ROR2: variants seen among roughly 807,000 people sequenced by gnomAD.
ROR2 encodes the protein tyrosine-protein kinase transmembrane receptor ROR2.
Under a neutral mutation model 74.9 loss-of-function variants are expected in ROR2, and 33 were observed. The ratio of observed to expected loss-of-function variants is 0.44; its 90% CI spans 0.33 to 0.59. The LOEUF is 0.59. ROR2 is among the 20% of genes least tolerant of loss of function. The pLI is 0.02. For synonymous variants in ROR2, 586 were observed against 558.7 expected, an observed-to-expected ratio of 1.05 and a Z score of -0.69; for missense variants, 1,216 against 1,313.8, an observed-to-expected ratio of 0.93 and a Z score of 1.15.
At chr9:91,939,976 C>G (rs1037839847) in intron 1 of ROR2, among the ~76,000 whole-genome samples, 6 of 152,176 alleles carry the variant, frequency 3.9e-5, no homozygotes. Context: ...TTCACCTGCA[C>G]AAAGATGTCC....
rs192571908 is a variant in ROR2 at position 91,823,265 on chromosome 9, G to A, written c.98-47447C>T. On this transcript the variant is annotated intron_variant, in intron 1 of 8. Transcript: ENST00000375708. ...GAGAATGACAGTTTTTCTTAGAGGA[G>A]ATGGATGCTCACATATTTGGGGCAG... is the stretch of plus-strand genomic sequence containing the variant. Among the ~76,000 whole-genome samples, 238 of 152,202 alleles carry A rather than the reference G, an allele frequency of 1.6e-3. 2 individuals carry two copies. The highest frequency in any genetic ancestry group is 7.8e-4 in the Non-Finnish European group (53 of 68,016).
intron 1 of ROR2, among the ~76,000 whole-genome samples, chr9:91,839,360 G>T (rs1005341669): frequency 6.6e-6 from 1 of 151,282 alleles, no homozygotes; most frequent in African/African-American, 2.4e-5. Context: ...GTGTGTCTGT[G>T]TGTATATGGT....
At chr9:91,726,822 C>A in intron 7 of ROR2, 79 bp from the exon 8 acceptor site, 1 of 1,396,532 alleles carries the variant, frequency 7.2e-7, no homozygotes, top group Non-Finnish European at 1.0e-6. Flanking sequence ...CCACTCTCCA[C>A]CTCCAGCCAA....
intron 1 of ROR2, 147 bp downstream of exon 1, chr9:91,949,720 G>C (rs1031202300): frequency 3.0e-6 from 2 of 660,302 alleles, no homozygotes; most frequent in Non-Finnish European, 5.5e-6. Flanking sequence ...GAGCGGCGTC[G>C]GGCGAGATGC....
intron 2 of ROR2, among the ~76,000 whole-genome samples, chr9:91,763,595 TG>T (rs886728619): frequency 6.6e-6 from 1 of 152,234 alleles, no homozygotes; most frequent in African/African-American, 2.4e-5. Flanking sequence ...TTCTCGTCAT[TG>T]GGGCTCCCCT....
intron 1 of ROR2, among the ~76,000 whole-genome samples, chr9:91,911,012 C>T (rs1226979185): frequency 6.6e-6 from 1 of 152,196 alleles, no homozygotes; most frequent in Non-Finnish European, 1.5e-5. Context: ...CAACTTAGAA[C>T]AATAGAAAAT....
chr9:91,875,910 G>A (rs1178598035), intron 1 of ROR2, among the ~76,000 whole-genome samples: 1 of 152,114 alleles, frequency 6.6e-6, no homozygotes, highest in Admixed American at 6.5e-5. Flanking sequence ...AAAGCAAGGT[G>A]GGGTAACAAA....
chr9:91,948,291 C>T (rs750446276), intron 1 of ROR2, among the ~76,000 whole-genome samples: 98 of 152,288 alleles, frequency 6.4e-4, no homozygotes, highest in East Asian at 7.7e-4. Context: ...ACAGCAAAAG[C>T]CGCCCAACAG....
intron 1 of ROR2, chr9:91,948,961 C>G (rs1832090279): frequency 1.0e-6 from 1 of 973,038 alleles, no homozygotes; most frequent in African/African-American, 1.8e-5. Flanking sequence ...AGGCAGGTCC[C>G]AAGCTGCACT....
At chr9:91,812,816 A>G (rs951261443) in intron 1 of ROR2, among the ~76,000 whole-genome samples, 1 of 152,180 alleles carries the variant, frequency 6.6e-6, no homozygotes, top group Non-Finnish European at 1.5e-5. Flanking sequence ...CCCCTTCACC[A>G]AAGAGAGACC....
intron 1 of ROR2, among the ~76,000 whole-genome samples, chr9:91,887,752 T>G (rs1830323151): frequency 1.3e-5 from 2 of 150,868 alleles, no homozygotes; most frequent in South Asian, 4.2e-4. Flanking sequence ...TTCAACGCCC[T>G]CCAGCAGCTT....
At chr9:91,887,552 G>A (rs1830316315) in intron 1 of ROR2, among the ~76,000 whole-genome samples, 1 of 152,074 alleles carries the variant, frequency 6.6e-6, no homozygotes, top group African/African-American at 2.4e-5. Flanking sequence ...TGAACATTTG[G>A]GTTACTTGCA....
At chr9:91,799,171 C>T (rs1356496801) in intron 1 of ROR2, among the ~76,000 whole-genome samples, 1 of 152,150 alleles carries the variant, frequency 6.6e-6, no homozygotes, top group Non-Finnish European at 1.5e-5. Context: ...AGTTCTCTCC[C>T]CACCCTCTGG....
chr9:91,792,263 C>G (rs952220007), intron 1 of ROR2, among the ~76,000 whole-genome samples: 6 of 149,676 alleles, frequency 4.0e-5, no homozygotes, highest in African/African-American at 1.5e-4. Flanking sequence ...AAATAGAAAT[C>G]AGCAAAACAA....
chr9:91,811,238 G>A (rs778921193), intron 1 of ROR2, among the ~76,000 whole-genome samples: 70 of 152,344 alleles, frequency 4.6e-4, no homozygotes, highest in Admixed American at 9.1e-4. Flanking sequence ...ACAGGCAAAG[G>A]TGGGAAAAGC....
intron 1 of ROR2, among the ~76,000 whole-genome samples, chr9:91,814,118 G>A (rs930769988): frequency 1.3e-5 from 2 of 152,198 alleles, no homozygotes; most frequent in Non-Finnish European, 2.9e-5. Context: ...AGGCTGGGAG[G>A]TCGAGGTTGC....
intron 5 of ROR2, among the ~76,000 whole-genome samples, chr9:91,737,124 C>T (rs769262020): frequency 3.3e-5 from 5 of 152,202 alleles, no homozygotes; most frequent in African/African-American, 4.8e-5. Context: ...TGGACCCACA[C>T]GGTTTGGCTG....
At chr9:91,902,199 G>A (rs1289686430) in intron 1 of ROR2, among the ~76,000 whole-genome samples, 2 of 152,136 alleles carry the variant, frequency 1.3e-5, no homozygotes, top group Non-Finnish European at 2.9e-5. Flanking sequence ...AGAAGAGGAA[G>A]GAGAAACAAT....
chr9:91,757,547 T>C lies in ROR2; in HGVS notation c.188A>G (p.Asn63Ser). The C allele has an allele frequency of 1.2e-6, 2 of 1,613,066 alleles. No homozygotes were observed. The highest frequency in any genetic ancestry group is 1.7e-6 in the Non-Finnish European group (2 of 1,179,828). The change falls in exon 3 of 9, where the codon AAT (asparagine) becomes AGT (serine). Residue 63 changes from asparagine (N) to serine (S), a missense_variant. Asn to Ser is a conservative substitution (Grantham distance 46). Transcript: ENST00000375708. Reference protein sequence around the residue: ...PIPTLKGYFLNFLEPVNNITI... With the variant: ...PIPTLKGYFLSFLEPVNNITI... ...GATATTGTTTACTGGCTCCAGAAAA[T>C]TCAGAAAGTAACCTGCCAAGGAGAG...
Sources: gnomAD v4.1 joint callset for allele counts (sites outside exome capture counted in the v4.1 genomes callset) on GRCh38, gnomAD v4.1.1 for gene constraint, MANE v1.5 for transcripts, NCBI Gene and HGNC (gene_info 2026-07-23, HGNC 2026-07-21) for gene names.